The following MACROD2 variants were observed in gnomAD, a reference collection of about 807,000 sequenced individuals.
The protein encoded by MACROD2 is mono-ADP ribosylhydrolase 2.
MACROD2 carries 36 observed loss-of-function variants against 70.4 expected under a neutral mutation model. That is an observed-to-expected ratio of 0.51 (90% CI 0.39 to 0.68). The LOEUF (loss-of-function observed/expected upper bound fraction) is 0.68. Ranked by LOEUF, MACROD2 falls within the 30% of genes least tolerant of loss-of-function variation. The pLI is 0.00. For missense variants in MACROD2, 496 were observed against 538.4 expected (o/e 0.92, Z 0.78); for synonymous variants, 172 against 178.8 (o/e 0.96, Z 0.30).
intron 15 of MACROD2, among the ~76,000 whole-genome samples, chr20:16,037,542 TAA>T (rs2067251784): frequency 6.6e-6 from 1 of 151,788 alleles, no homozygotes; most frequent in South Asian, 2.1e-4. Flanking sequence ...ATATAAATAA[TAA>T]TAATATTATA....
chr20:15,961,253 T>A (rs2066056654), intron 12 of MACROD2, among the ~76,000 whole-genome samples: 1 of 152,104 alleles, frequency 6.6e-6, no homozygotes, highest in African/African-American at 2.4e-5. Flanking sequence ...AGTTTGTGGA[T>A]CCTTCTAGGT....
chr20:14,423,543 C>CA (rs2083895819), intron 3 of MACROD2, among the ~76,000 whole-genome samples: 1 of 151,112 alleles, frequency 6.6e-6, no homozygotes, highest in African/African-American at 2.4e-5. Context: ...ACTAAAAATA[C>CA]AAAAAAATTA....
At chr20:14,388,091 G>A (rs548831211) in intron 3 of MACROD2, among the ~76,000 whole-genome samples, 42 of 150,298 alleles carry the variant, frequency 2.8e-4, no homozygotes, top group Admixed American at 4.0e-4. Context: ...CTCACTGCAA[G>A]CTCCACCTCC....
chr20:15,355,385 T>G (rs759549830), intron 6 of MACROD2, among the ~76,000 whole-genome samples: 1 of 152,194 alleles, frequency 6.6e-6, no homozygotes, highest in Non-Finnish European at 1.5e-5. Flanking sequence ...AACAGCCAAA[T>G]GAAGAGACAT....
chr20:14,775,605 A>G (rs115469639), intron 5 of MACROD2, among the ~76,000 whole-genome samples: 3,243 of 152,040 alleles, frequency 0.021, 133 homozygotes, highest in African/African-American at 0.074. Flanking sequence ...AACACCTCCC[A>G]CCAGGTCACA....
intron 8 of MACROD2, among the ~76,000 whole-genome samples, chr20:15,859,809 T>TC (rs2064400369): frequency 1.2e-5 from 1 of 84,780 alleles, no homozygotes; most frequent in South Asian, 3.6e-4. Flanking sequence ...GTTTTGGACT[T>TC]AAATCATTTC....
At chr20:14,011,702 GTA>G (rs982507542) in intron 2 of MACROD2, among the ~76,000 whole-genome samples, 36 of 152,012 alleles carry the variant, frequency 2.4e-4, no homozygotes, top group African/African-American at 8.4e-4. Flanking sequence ...CTAAGTTTTT[GTA>G]TTTTTTAGTA....
intron 3 of MACROD2, among the ~76,000 whole-genome samples, chr20:14,389,121 C>A (rs899626538): frequency 6.6e-6 from 1 of 152,044 alleles, no homozygotes; most frequent in Non-Finnish European, 1.5e-5. Flanking sequence ...CTCAGGTGAT[C>A]CGCTCGCCTC....
chr20:14,982,928 T>C (rs2074814823), intron 5 of MACROD2, among the ~76,000 whole-genome samples: 1 of 152,164 alleles, frequency 6.6e-6, no homozygotes, highest in Non-Finnish European at 1.5e-5. Flanking sequence ...GCTTGTACCA[T>C]GTGCCTGGAA....
At chr20:15,248,203 C>T (rs1428786236) in intron 6 of MACROD2, among the ~76,000 whole-genome samples, 1 of 152,174 alleles carries the variant, frequency 6.6e-6, no homozygotes, top group Non-Finnish European at 1.5e-5. Flanking sequence ...GCCACCAGGG[C>T]ATGTCTTTTC....
chr20:15,332,266 A>C (rs2078000833), intron 6 of MACROD2, among the ~76,000 whole-genome samples: 1 of 151,714 alleles, frequency 6.6e-6, no homozygotes, highest in Non-Finnish European at 1.5e-5. Flanking sequence ...GAATAAATCC[A>C]GTTCAATCAT....
intron 5 of MACROD2, among the ~76,000 whole-genome samples, chr20:15,141,663 T>C (rs575046570): frequency 6.6e-6 from 1 of 152,346 alleles, no homozygotes; most frequent in South Asian, 2.1e-4. Flanking sequence ...TTTCCCTTTT[T>C]CTTTCCTACT....
Position 15,096,948 on chromosome 20 carries a change from A to G in MACROD2, c.419-132992A>G, listed in dbSNP as rs139814884. Among the ~76,000 whole-genome samples the G allele has an allele frequency of 1.6e-3, 238 of 151,794 alleles. 1 individual carries two copies. The highest frequency in any genetic ancestry group is 5.3e-3 in the African/African-American group (220 of 41,386). Reference sequence around the variant, plus strand: ...TACCTCAGCCTCCCAAGTAGAGGGAATTACAGGTGCTCGCCACCACGCCCA... The same window carrying G: ...TACCTCAGCCTCCCAAGTAGAGGGAGTTACAGGTGCTCGCCACCACGCCCA... On this transcript the variant is annotated intron_variant, in intron 5 of 17. Transcript: ENST00000684519.
chr20:15,568,134 G>A (rs1286791033), intron 8 of MACROD2, among the ~76,000 whole-genome samples: 1 of 152,180 alleles, frequency 6.6e-6, no homozygotes, highest in Non-Finnish European at 1.5e-5. Flanking sequence ...TGTGTTTCCT[G>A]TGGACTTGCT....
At chr20:14,113,385 A>C (rs1164131792) in intron 3 of MACROD2, among the ~76,000 whole-genome samples, 1 of 152,042 alleles carries the variant, frequency 6.6e-6, no homozygotes, top group Non-Finnish European at 1.5e-5. Flanking sequence ...ATTAAACTTC[A>C]GGGTAGGTGT....
chr20:14,678,081 T>C (rs1050202253), intron 4 of MACROD2, among the ~76,000 whole-genome samples: 6 of 151,904 alleles, frequency 3.9e-5, no homozygotes, highest in African/African-American at 1.5e-4. Flanking sequence ...GAAGTGGGAG[T>C]GGAGCTGTGT....
intron 5 of MACROD2, among the ~76,000 whole-genome samples, chr20:14,940,632 T>C (rs2093867): frequency 0.22 from 34,014 of 152,000 alleles, 4,089 homozygotes; most frequent in Non-Finnish European, 0.28. Context: ...TCTAAAATGC[T>C]TTTTCAGCAT....
chr20:15,967,420 G>A, intron 12 of MACROD2, 133 bp from the exon 13 acceptor site: 1 of 680,256 alleles, frequency 1.5e-6, no homozygotes, highest in East Asian at 3.0e-5. Flanking sequence ...GCAAACATAT[G>A]TATTTGAGTG....
At chr20:16,038,719 T>C (rs1473642648) in intron 15 of MACROD2, among the ~76,000 whole-genome samples, 2 of 151,988 alleles carry the variant, frequency 1.3e-5, no homozygotes, top group Non-Finnish European at 2.9e-5. Context: ...TCTTTTATTC[T>C]CTTGGTTTTC....
Sources: allele counts gnomAD v4.1 joint callset (sites outside exome capture counted in the v4.1 genomes callset), GRCh38; gene constraint gnomAD v4.1.1; transcripts MANE v1.5; gene names NCBI Gene and HGNC (gene_info 2026-07-23, HGNC 2026-07-21).